Variants in RP1L1 observed in about 807,000 individuals in gnomAD.
RP1L1 encodes RP1 like 1.
Under a neutral mutation model 15.7 loss-of-function variants are expected in RP1L1, and 27 were observed. The observed-to-expected ratio is 1.72, with a 90% CI of 1.27 to 2.38. RP1L1 has a LOEUF of 2.38. RP1L1 is among the 30% of genes most tolerant of loss of function. The probability of loss-of-function intolerance (pLI) is 0.00; values close to 1 mark genes in which losing one functional copy is unlikely to be tolerated. For synonymous variants in RP1L1, 1,813 were observed against 1,276.7 expected (o/e 1.42, Z -8.96); for missense variants, 4,798 against 3,075.9 (o/e 1.56, Z -13.24).
rs1484017010 is a variant in RP1L1 at position 10,611,553 on chromosome 8, ACAGC to A, written c.2541_2544del (p.Trp847CysfsTer81). The A allele has an allele frequency of 5.6e-6, 9 of 1,598,994 alleles. No individual in the cohort carries two copies. Among genetic ancestry groups the A allele is most frequent in the Non-Finnish European group, 7.7e-6 (9 of 1,173,104 alleles). ...GGCGGGGTGGGACAGTACCTGCCAC[ACAGC>A]CAGCTAGCCTCAGGGGAGGGTCCCC... is the stretch of plus-strand genomic sequence containing the variant. On this transcript the variant is annotated frameshift_variant, in exon 4 of 4. Transcript: ENST00000382483. LOFTEE classifies it low-confidence loss of function (END_TRUNC).
At chr8:10,648,286 C>G (rs990975129) in intron 1 of RP1L1, among the ~76,000 whole-genome samples, 3 of 152,138 alleles carry the variant, frequency 2.0e-5, no homozygotes, top group Admixed American at 6.5e-5. Context: ...CCTGCCTCGG[C>G]CCCCCAAAGT....
chr8:10,649,456 G>A (rs1225254397), intron 1 of RP1L1, among the ~76,000 whole-genome samples: 2 of 152,220 alleles, frequency 1.3e-5, no homozygotes, highest in African/African-American at 4.8e-5. Flanking sequence ...CCCACCCGCT[G>A]TGGTCTCACT....
At position 10,606,604 on chromosome 8, in the gene RP1L1, G is replaced by A. The variant is rs943409150; in HGVS notation, c.*291C>T. Reference sequence around the variant, plus strand: ...GCCTTTCCAATCAGTTCCATCTTTCGGGCTCTGCAGACAAATAAATAGGAG... The same window carrying A: ...GCCTTTCCAATCAGTTCCATCTTTCAGGCTCTGCAGACAAATAAATAGGAG... On this transcript the variant is annotated 3_prime_UTR_variant, in exon 4 of 4. Coordinates refer to ENST00000382483, the MANE Select transcript of RP1L1 (RefSeq NM_178857.6). 23 of 433,424 alleles carry A rather than the reference G, an allele frequency of 5.3e-5. No homozygotes were observed. Among genetic ancestry groups the A allele is most frequent in the South Asian group, 1.9e-4 (7 of 36,472 alleles). The allele number at this position is 433,424 out of a possible 1,614,324, so 26.8% of individuals were successfully genotyped here.
intron 1 of RP1L1, among the ~76,000 whole-genome samples, chr8:10,638,960 C>T (rs896682728): frequency 3.9e-5 from 6 of 152,088 alleles, no homozygotes; most frequent in Non-Finnish European, 8.8e-5. Context: ...GCCTGGCCAA[C>T]ACAGTGAAAC....
At chr8:10,630,918 C>A (rs1288506684) in intron 1 of RP1L1, among the ~76,000 whole-genome samples, 1 of 152,162 alleles carries the variant, frequency 6.6e-6, no homozygotes. Flanking sequence ...GACTTCCCAG[C>A]TGGGCTTGTG....
chr8:10,609,772 G>A lies in RP1L1; in HGVS notation c.4326C>T (p.Cys1442=). The change falls in exon 4 of 4, where the codon TGC becomes TGT. Residue 1442 remains cysteine, a synonymous_variant. Coordinates refer to ENST00000382483, the MANE Select transcript of RP1L1 (RefSeq NM_178857.6). The part of the protein sequence containing the change: ...AGRASASAEP[C]PAEGTEEPTE... ...TGGGTTCCTCTGTGCCCTCTGCGGG[G>A]CACGGCTCTGCAGAGGCAGAGGCTC... 1 of 1,613,562 alleles carries A rather than the reference G, an allele frequency of 6.2e-7. No homozygotes were observed. The highest frequency in any genetic ancestry group is 8.5e-7 in the Non-Finnish European group (1 of 1,179,684).
intron 2 of RP1L1, 33 bp downstream of exon 2, chr8:10,622,560 T>A: frequency 6.2e-7 from 1 of 1,613,858 alleles, no homozygotes; most frequent in Non-Finnish European, 8.5e-7. Context: ...CTAAAGAACC[T>A]TTTCAAGGAA....
chr8:10,648,135 G>A (rs1046675893), intron 1 of RP1L1, among the ~76,000 whole-genome samples: 2 of 151,814 alleles, frequency 1.3e-5, no homozygotes, highest in African/African-American at 4.8e-5. Context: ...GGGTTCAAGC[G>A]ATTCTCCTGC....
rs1798619384 is a variant in RP1L1 at position 10,655,088 on chromosome 8, C to T, written c.-210G>A. ...TCTCCTTGGCCTGAGAGCCTGAGGC[C>T]CCAGTCCCTTGGGCAGGAGCCCAGC... On this transcript the variant is annotated 5_prime_UTR_variant, in exon 1 of 4. Transcript: ENST00000382483. The T allele has an allele frequency of 6.5e-6, 1 of 152,788 alleles. No individual in the cohort carries two copies. Among genetic ancestry groups the T allele is most frequent in the Non-Finnish European group, 1.5e-5 (1 of 68,192 alleles). The allele number at this position is 152,788 out of a possible 1,614,324, so 9.5% of individuals were successfully genotyped here.
chr8:10,646,769 T>C (rs987024788), intron 1 of RP1L1, among the ~76,000 whole-genome samples: 3 of 152,210 alleles, frequency 2.0e-5, no homozygotes, highest in African/African-American at 7.2e-5. Context: ...GCCACTGACT[T>C]ATCTGCTCCA....
At chr8:10,625,925 G>A (rs976244350) in intron 1 of RP1L1, among the ~76,000 whole-genome samples, 5 of 152,034 alleles carry the variant, frequency 3.3e-5, no homozygotes, top group Non-Finnish European at 5.9e-5. Flanking sequence ...AGCATTGTGG[G>A]ATGGAAAAGG....
Position 10,633,263 on chromosome 8 carries a change from G to C in RP1L1, c.-19-10043C>G, listed in dbSNP as rs377393553. ...TCAGGGATGGGGAAGCAGAGATGCT[G>C]ACCTCTCTCTCCCTCTACTCTCTGA... On this transcript the variant is annotated intron_variant, in intron 1 of 3. Transcript: ENST00000382483. 1.5e-3 allele frequency among the ~76,000 whole-genome samples: 230 copies of C among 152,270 alleles called. 7 individuals are homozygous for C. The South Asian group carries it at 0.036, about 24-fold the overall frequency.
At chr8:10,613,448 C>G in intron 3 of RP1L1, 102 bp from the exon 4 acceptor site, 3 of 1,490,798 alleles carry the variant, frequency 2.0e-6, no homozygotes, top group Non-Finnish European at 2.7e-6. Flanking sequence ...CCCACGACCT[C>G]AGCATCACCA....
chr8:10,608,313 C>T lies in RP1L1; in HGVS notation c.5785G>A (p.Gly1929Arg). The T allele has an allele frequency of 6.2e-7, 1 of 1,613,598 alleles. No homozygotes were observed. The highest frequency in any genetic ancestry group is 1.3e-5 in the African/African-American group (1 of 74,832). The change falls in exon 4 of 4, where the codon GGG (glycine) becomes AGG (arginine). Residue 1929 changes from glycine to arginine, a missense_variant. Transcript: ENST00000382483. ...CCTTCTGACTCTGGCTCGTCCTCCCCTTCAGTCTCCAGGGCCTCTACACTT... is the reference window on the plus strand; with the variant it reads ...CCTTCTGACTCTGGCTCGTCCTCCCTTTCAGTCTCCAGGGCCTCTACACTT... ...TESVEALETEGEDEPESEGAE... is the reference protein window; with the variant it reads ...TESVEALETEREDEPESEGAE...
In RP1L1 at chr8:10,610,920, C is replaced by T; in HGVS notation, c.3178G>A (p.Ala1060Thr). 1 of 1,611,068 alleles carries T rather than the reference C, an allele frequency of 6.2e-7. No homozygotes were observed. The highest frequency in any genetic ancestry group is 8.5e-7 in the Non-Finnish European group (1 of 1,179,262). The change falls in exon 4 of 4, where the codon GCA becomes ACA. Residue 1060 changes from alanine (A) to threonine (T), a missense_variant. By Grantham distance (58) the Ala-to-Thr change is moderately conservative. Coordinates refer to ENST00000382483, the MANE Select transcript of RP1L1 (RefSeq NM_178857.6). Reference sequence around the variant, plus strand: ...CAGCCTGCTGGGGCCTCTCTGTCTGCTCCGGCCTCTGCAGGGGCCTCGGAA... The same window carrying T: ...CAGCCTGCTGGGGCCTCTCTGTCTGTTCCGGCCTCTGCAGGGGCCTCGGAA... ...GVSEAPAEAG[A>T]DREAPAGCRV...
At chr8:10,653,748 C>G (rs1469148598) in intron 1 of RP1L1, among the ~76,000 whole-genome samples, 2 of 152,204 alleles carry the variant, frequency 1.3e-5, no homozygotes, top group Admixed American at 6.5e-5. Flanking sequence ...GCAGGCCTGT[C>G]TGAGGTCACT....
At chr8:10,636,533 G>T (rs1798332496) in intron 1 of RP1L1, among the ~76,000 whole-genome samples, 2 of 152,120 alleles carry the variant, frequency 1.3e-5, no homozygotes, top group East Asian at 3.9e-4. Flanking sequence ...CCCTCGAATG[G>T]CAACCCAGGC....
chr8:10,610,701 C>G lies in RP1L1; in HGVS notation c.3397G>C (p.Gly1133Arg). 3.1e-6 allele frequency: 5 copies of G among 1,613,680 alleles called. No homozygotes were observed. The highest frequency in any genetic ancestry group is 4.2e-6 in the Non-Finnish European group (5 of 1,180,046). ...AACCTCACTTTGCTGGCAGGAGACC[C>G]AAGGTCTTCCTCAAATAACTGCAGA... The part of the protein sequence containing the change: ...ASLQLFEEDL[G>R]SPASKVRFKD... Residue 1133 changes from glycine to arginine, a missense_variant, in exon 4 of 4, where the codon GGG (glycine) becomes CGG (arginine). Coordinates refer to ENST00000382483, the MANE Select transcript of RP1L1 (RefSeq NM_178857.6).
chr8:10,622,456 C>G (rs1325283972), intron 2 of RP1L1, 137 bp downstream of exon 2: 2 of 1,117,536 alleles, frequency 1.8e-6, no homozygotes. Flanking sequence ...CTGAGTGTCT[C>G]CATGCTGTTC....
Sources: allele counts gnomAD v4.1 joint callset (sites outside exome capture counted in the v4.1 genomes callset), GRCh38; gene constraint gnomAD v4.1.1; transcripts MANE v1.5; gene names NCBI Gene and HGNC (gene_info 2026-07-23, HGNC 2026-07-21).